Variants in SNTG2 observed in about 807,000 individuals in gnomAD.
SNTG2 encodes the protein gamma-2-syntrophin.
A neutral mutation model predicts 70.9 loss-of-function variants in SNTG2; 74 were observed. The observed-to-expected ratio is 1.04, with a 90% confidence interval of 0.86 to 1.27. SNTG2 has a LOEUF of 1.27. Among genes scored for constraint, SNTG2 ranks in the 50% most tolerant of loss-of-function variants. SNTG2 has a pLI of 0.00. For missense variants in SNTG2, 717 were observed against 690.7 expected (o/e 1.04, Z -0.43); for synonymous variants, 278 against 273.8 (o/e 1.02, Z -0.15).
intron 16 of SNTG2, among the ~76,000 whole-genome samples, chr2:1,342,232 G>GA (rs11422913): frequency 0.64 from 94,190 of 147,724 alleles, 31,388 homozygotes; most frequent in East Asian, 0.89. Flanking sequence ...ATTATGTTAT[G>GA]ATTACATTTG....
At chr2:1,267,718 C>G in intron 14 of SNTG2, 147 bp downstream of exon 14, 1 of 776,980 alleles carries the variant, frequency 1.3e-6, no homozygotes, top group Non-Finnish European at 2.1e-6. Context: ...TGGAAATGAT[C>G]GTTCGCACGG....
chr2:1,295,995 C>T lies in SNTG2; in HGVS notation c.1285-12499C>T, dbSNP rs528957005. Among the ~76,000 whole-genome samples, 412 of 99,054 alleles carry T rather than the reference C, an allele frequency of 4.2e-3. 2 individuals are homozygous for T. Among genetic ancestry groups the T allele is most frequent in the African/African-American group, 0.015 (387 of 25,414 alleles). The allele number at this position is 99,054 out of a possible 152,430, so 65.0% of individuals were successfully genotyped here. Reference sequence around the variant, plus strand: ...AGTCTCCCATGTTGGGGTGGGAGGGCCAGGCAGACGTCACCATCGATGGCT... The same window carrying T: ...AGTCTCCCATGTTGGGGTGGGAGGGTCAGGCAGACGTCACCATCGATGGCT... On this transcript the variant is annotated intron_variant, in intron 14 of 16. Transcript: ENST00000308624.
At chr2:1,281,027 GT>G (rs1194176227) in intron 14 of SNTG2, among the ~76,000 whole-genome samples, 1 of 152,222 alleles carries the variant, frequency 6.6e-6, no homozygotes, top group Non-Finnish European at 1.5e-5. Flanking sequence ...ACTCCAAGTA[GT>G]TTTTTATTCA....
chr2:1,137,900 A>G (rs895626669), intron 6 of SNTG2, 91 bp downstream of exon 6: 3 of 1,219,110 alleles, frequency 2.5e-6, no homozygotes, highest in Non-Finnish European at 3.6e-6. Flanking sequence ...GAGTCTATCC[A>G]TAGATGCAGT....
intron 9 of SNTG2, among the ~76,000 whole-genome samples, chr2:1,214,747 CTT>C (rs1315738602): frequency 2.6e-5 from 4 of 152,004 alleles, no homozygotes; most frequent in Admixed American, 2.0e-4. Context: ...CATAATTGTT[CTT>C]GTTAGCACTT....
At chr2:980,218 T>TA (rs1661053483) in intron 1 of SNTG2, among the ~76,000 whole-genome samples, 1 of 152,198 alleles carries the variant, frequency 6.6e-6, no homozygotes, top group South Asian at 2.1e-4. Flanking sequence ...AGTTGTATGT[T>TA]ACAGTTACAT....
At chr2:1,104,660 C>T (rs73172918) in intron 4 of SNTG2, among the ~76,000 whole-genome samples, 1,901 of 152,262 alleles carry the variant, frequency 0.012, 37 homozygotes, top group African/African-American at 0.043. Flanking sequence ...GTGTGTGGCC[C>T]TGGGGTGCTG....
At chr2:960,213 C>T (rs1041456583) in intron 1 of SNTG2, among the ~76,000 whole-genome samples, 2 of 152,266 alleles carry the variant, frequency 1.3e-5, no homozygotes, top group Middle Eastern at 6.8e-3. Flanking sequence ...TGCACTGGCT[C>T]AGGCGTCTGT....
chr2:989,639 C>T (rs1167071802), intron 1 of SNTG2, among the ~76,000 whole-genome samples: 1 of 152,202 alleles, frequency 6.6e-6, no homozygotes, highest in Non-Finnish European at 1.5e-5. Context: ...CTTTATGAGG[C>T]TTATAATCCC....
At chr2:1,115,575 C>T (rs1282851115) in intron 4 of SNTG2, among the ~76,000 whole-genome samples, 1 of 149,994 alleles carries the variant, frequency 6.7e-6, no homozygotes, top group Non-Finnish European at 1.5e-5. Context: ...ATCTTGTGTA[C>T]TAAGTGAGGT....
intron 4 of SNTG2, among the ~76,000 whole-genome samples, chr2:1,128,682 A>G (rs143230438): frequency 6.6e-6 from 1 of 152,032 alleles, no homozygotes; most frequent in Non-Finnish European, 1.5e-5. Flanking sequence ...TACTGCCATG[A>G]TATGGTGGAG....
intron 1 of SNTG2, chr2:1,068,455 G>A (rs1663302076): frequency 6.6e-6 from 1 of 152,178 alleles, no homozygotes. Context: ...GTTACGATCT[G>A]TTATTGCAGC....
In SNTG2 at chr2:1,259,352, G is replaced by C. The variant is rs767085974; in HGVS notation, c.1006-18G>C. 1 of 1,613,112 alleles carries C rather than the reference G, an allele frequency of 6.2e-7. No individual in the cohort carries two copies. Among genetic ancestry groups the C allele is most frequent in the Non-Finnish European group, 8.5e-7 (1 of 1,179,464 alleles). On this transcript the variant is annotated intron_variant, in intron 12 of 16. Coordinates refer to ENST00000308624, the MANE Select transcript of SNTG2 (RefSeq NM_018968.4). ...AGTAGCATGCTGCTTTTCATGGAAC[G>C]TTCTCTGTTTCTTGCAGGTGAGCAC...
At chr2:1,365,959 CT>C (rs1336690150) in intron 16 of SNTG2, among the ~76,000 whole-genome samples, 1 of 152,098 alleles carries the variant, frequency 6.6e-6, no homozygotes, top group Non-Finnish European at 1.5e-5. Flanking sequence ...GGGCCCCATT[CT>C]CCACCCCCTC....
chr2:1,196,036 C>T (rs1247070153), intron 8 of SNTG2, among the ~76,000 whole-genome samples: 2 of 152,108 alleles, frequency 1.3e-5, no homozygotes, highest in Admixed American at 6.5e-5. Flanking sequence ...TCATGCATAA[C>T]TCAAACTTTG....
At chr2:1,283,465 G>A (rs996213656) in intron 14 of SNTG2, among the ~76,000 whole-genome samples, 3 of 152,150 alleles carry the variant, frequency 2.0e-5, no homozygotes, top group African/African-American at 2.4e-5. Flanking sequence ...ATTAGTCAAC[G>A]GAGCTGCTGT....
chr2:1,010,772 A>G (rs986708459), intron 1 of SNTG2, among the ~76,000 whole-genome samples: 28 of 152,312 alleles, frequency 1.8e-4, no homozygotes, highest in African/African-American at 5.8e-4. Flanking sequence ...TGACAGGGCT[A>G]TGAATGACAG....
intron 16 of SNTG2, among the ~76,000 whole-genome samples, chr2:1,360,843 G>A (rs1202337951): frequency 6.6e-6 from 1 of 152,176 alleles, no homozygotes; most frequent in Non-Finnish European, 1.5e-5. Flanking sequence ...AGAGAGCAGT[G>A]TCTGCTTGGC....
At chr2:1,267,111 A>T (rs1486076631) in intron 13 of SNTG2, among the ~76,000 whole-genome samples, 1 of 152,124 alleles carries the variant, frequency 6.6e-6, no homozygotes, top group Non-Finnish European at 1.5e-5. Context: ...GTGTGTGGTG[A>T]CCAGTATTTT....
Sources: allele counts gnomAD v4.1 joint callset (sites outside exome capture counted in the v4.1 genomes callset), GRCh38; gene constraint gnomAD v4.1.1; transcripts MANE v1.5; gene names NCBI Gene and HGNC (gene_info 2026-07-23, HGNC 2026-07-21).